PLXNC1: variants seen among roughly 807,000 people sequenced by gnomAD.
PLXNC1 encodes plexin-C1.
Under a neutral mutation model 178.2 loss-of-function variants are expected in PLXNC1, and 75 were observed. The ratio of observed to expected loss-of-function variants is 0.42; its 90% CI spans 0.35 to 0.51. The LOEUF (loss-of-function observed/expected upper bound fraction) is 0.51. Among genes scored for constraint, PLXNC1 ranks in the 20% least tolerant of loss-of-function variants. PLXNC1 has a pLI of 0.02. For missense variants in PLXNC1, 1,503 were observed against 1,984.4 expected (o/e 0.76, Z 4.61); for synonymous variants, 790 against 779.9 (o/e 1.01, Z -0.22).
chr12:94,246,180 G>T (rs1278616806), intron 12 of PLXNC1, among the ~76,000 whole-genome samples: 1 of 152,212 alleles, frequency 6.6e-6, no homozygotes, highest in Non-Finnish European at 1.5e-5. Context: ...GGAACCTCCT[G>T]CAGGGCGGTT....
At chr12:94,242,608 T>C (rs1964420912) in intron 11 of PLXNC1, among the ~76,000 whole-genome samples, 2 of 152,010 alleles carry the variant, frequency 1.3e-5, no homozygotes, top group African/African-American at 4.8e-5. Context: ...TGGGGACACA[T>C]TTTTTGGGGA....
rs1964576474 is a variant in PLXNC1 at position 94,247,918 on chromosome 12, G to A, written c.2404G>A (p.Val802Met). The stretch of plus-strand genomic sequence containing the variant: ...TTTTGTCCAGGTCTCTGAATATTGT[G>A]TGGCGACTTACTGCGGGTTTTTAGC... ...KGNINVSEYC[V>M]ATYCGFLAPS... Residue 802 changes from valine (V) to methionine (M), a missense_variant, in exon 13 of 31, where the codon GTG (valine) becomes ATG (methionine). By Grantham distance (21) the Val-to-Met change is conservative. Coordinates refer to ENST00000258526, the MANE Select transcript of PLXNC1 (RefSeq NM_005761.3). 6.2e-7 allele frequency: 1 copy of A among 1,613,858 alleles called. No individual in the cohort carries two copies. The highest frequency in any genetic ancestry group is 8.5e-7 in the Non-Finnish European group (1 of 1,179,930).
chr12:94,301,163 C>A, intron 28 of PLXNC1, 106 bp downstream of exon 28: 2 of 829,094 alleles, frequency 2.4e-6, no homozygotes, highest in Non-Finnish European at 3.6e-6. Flanking sequence ...ACTACACCAG[C>A]TAAAAAGAGA....
chr12:94,216,035 C>T (rs796863407), intron 5 of PLXNC1, among the ~76,000 whole-genome samples: 3 of 152,098 alleles, frequency 2.0e-5, no homozygotes, highest in Non-Finnish European at 2.9e-5. Flanking sequence ...GGGACTGAGG[C>T]GGGCAGATCA....
rs1555192596 is a variant in PLXNC1, at chr12:94,149,253, G to GC, written c.288dup (p.Ala97ArgfsTer91). 3.2e-6 allele frequency: 5 copies of GC among 1,545,652 alleles called. No homozygotes were observed. The highest frequency in any genetic ancestry group is 2.0e-5 in the Admixed American group (1 of 50,986). On this transcript the variant is annotated frameshift_variant, in exon 1 of 31. Coordinates refer to ENST00000258526, the MANE Select transcript of PLXNC1 (RefSeq NM_005761.3). LOFTEE classifies it high-confidence loss of function. ...ACTGCACAGAGCCGGTCTCGCTGGC[G>GC]CCCCCCGCGCGGCCCCGGCCCGGGA...
rs564140866 is a variant in PLXNC1 at position 94,164,548 on chromosome 12, C to T, written c.1063-4605C>T. Reference sequence around the variant, plus strand: ...ACACCCTGGAATGCATGACTGGCACCCCCTGCAGTTGTGCAGGGCACAATG... The same window carrying T: ...ACACCCTGGAATGCATGACTGGCACTCCCTGCAGTTGTGCAGGGCACAATG... On this transcript the variant is annotated intron_variant, in intron 1 of 30. Coordinates refer to ENST00000258526, the MANE Select transcript of PLXNC1 (RefSeq NM_005761.3). Among the ~76,000 whole-genome samples, 4 of 152,244 alleles carry T rather than the reference C, an allele frequency of 2.6e-5. No individual in the cohort carries two copies. In the East Asian group the frequency reaches 7.7e-4, roughly 29 times the overall value.
Position 94,149,262 on chromosome 12 carries a change from G to A in PLXNC1, c.291G>A (p.Ala97=). 1.3e-6 allele frequency: 2 copies of A among 1,538,604 alleles called. No individual in the cohort carries two copies. Among genetic ancestry groups the A allele is most frequent in the South Asian group, 2.4e-5 (2 of 83,000 alleles). ...CTEPVSLAPP[A]RPRPGSSFSK... is the part of the protein sequence containing the mutation. ...AGCCGGTCTCGCTGGCGCCCCCCGC[G>A]CGGCCCCGGCCCGGGAGCAGCTTCA... The change falls in exon 1 of 31, where the codon GCG becomes GCA. Residue 97 remains alanine (A), a synonymous_variant. Transcript: ENST00000258526.
intron 21 of PLXNC1, chr12:94,272,092 T>A (rs962285216): frequency 1.3e-5 from 2 of 152,162 alleles, no homozygotes; most frequent in African/African-American, 4.8e-5. Flanking sequence ...CTGGCCCTCT[T>A]CCCGGGCCTT....
intron 23 of PLXNC1, among the ~76,000 whole-genome samples, chr12:94,285,870 C>A (rs1386175230): frequency 6.6e-6 from 1 of 152,172 alleles, no homozygotes; most frequent in African/African-American, 2.4e-5. Flanking sequence ...TCTTGTCTTG[C>A]TCAGCTGTGC....
chr12:94,241,329 C>T (rs952828422), intron 11 of PLXNC1, among the ~76,000 whole-genome samples: 4 of 152,110 alleles, frequency 2.6e-5, no homozygotes, highest in African/African-American at 9.7e-5. Context: ...TATCCATCAC[C>T]TCAAGCACTT....
In PLXNC1 at chr12:94,171,042, C is replaced by T. The variant is rs1044439488; in HGVS notation, c.1203+1749C>T. Among the ~76,000 whole-genome samples the T allele has an allele frequency of 4.6e-5, 7 of 152,318 alleles. 1 individual carries two copies. Among genetic ancestry groups the T allele is most frequent in the East Asian group, 1.9e-4 (1 of 5,174 alleles). The stretch of plus-strand genomic sequence containing the variant: ...GAGTGTTTTGACAAGAACACTGTTT[C>T]CCCAAAGCCGAGCCAACCAAACCGC... On this transcript the variant is annotated intron_variant, in intron 2 of 30. Transcript: ENST00000258526.
rs181964407 is a variant in PLXNC1 at position 94,180,202 on chromosome 12, T to C, written c.1204-1244T>C. Among the ~76,000 whole-genome samples, 23 of 152,264 alleles carry C rather than the reference T, an allele frequency of 1.5e-4. No homozygotes were observed. In the East Asian group the frequency reaches 3.5e-3, roughly 23 times the overall value. On this transcript the variant is annotated intron_variant, in intron 2 of 30. Coordinates refer to ENST00000258526, the MANE Select transcript of PLXNC1 (RefSeq NM_005761.3). ...ACCCTTGATTATCATTCCCCTGTTA[T>C]CTTACTATCTTACTGTTCACTCCTC...
Position 94,248,328 on chromosome 12 carries a change from A to T in PLXNC1, c.2694A>T (p.Arg898Ser), listed in dbSNP as rs747976796. 6.2e-7 allele frequency: 1 copy of T among 1,613,880 alleles called. No individual in the cohort carries two copies. The highest frequency in any genetic ancestry group is 8.5e-7 in the Non-Finnish European group (1 of 1,179,788). ...QLNCSFENIT[R>S]NQDLTTILCK... ...ATTGCAGTTTTGAAAATATTACTAGAAATCAAGATCTTACCACCATCCTTT... is the reference window on the plus strand; with the variant it reads ...ATTGCAGTTTTGAAAATATTACTAGTAATCAAGATCTTACCACCATCCTTT... The change falls in exon 14 of 31, where the codon AGA (arginine) becomes AGT (serine). Residue 898 changes from arginine (R) to serine (S), a missense_variant. Physicochemically the swap from Arg to Ser is moderately radical, Grantham distance 110. This residue lies in a region of PLXNC1 where 639 missense variants were observed against 979.7 expected (regional missense o/e 0.65). Coordinates refer to ENST00000258526, the MANE Select transcript of PLXNC1 (RefSeq NM_005761.3).
chr12:94,200,382 T>C (rs1963077825), intron 4 of PLXNC1, among the ~76,000 whole-genome samples: 2 of 152,234 alleles, frequency 1.3e-5, no homozygotes, highest in Admixed American at 6.5e-5. Flanking sequence ...ATCTCCTCCA[T>C]ATCCAAACAC....
chr12:94,156,030 G>A (rs1961155329), intron 1 of PLXNC1, among the ~76,000 whole-genome samples: 1 of 152,204 alleles, frequency 6.6e-6, no homozygotes, highest in South Asian at 2.1e-4. Context: ...TGGGACCAAA[G>A]CTACCAGTTA....
At chr12:94,284,087 G>GGAAA (rs1555208966) in intron 23 of PLXNC1, among the ~76,000 whole-genome samples, 1,196 of 82,694 alleles carry the variant, frequency 0.014, 8 homozygotes, top group Non-Finnish European at 0.024. Context: ...CATGTCAGGG[G>GGAAA]AAAAAAAAAA....
At chr12:94,159,548 C>T (rs1961300256) in intron 1 of PLXNC1, among the ~76,000 whole-genome samples, 1 of 151,848 alleles carries the variant, frequency 6.6e-6, no homozygotes, top group African/African-American at 2.4e-5. Context: ...TTGTGGAGAG[C>T]AAAATGCTAG....
chr12:94,188,773 G>A (rs1025202682), intron 4 of PLXNC1, among the ~76,000 whole-genome samples: 12 of 152,262 alleles, frequency 7.9e-5, no homozygotes, highest in Non-Finnish European at 1.2e-4. Context: ...ATGACTTGGT[G>A]TGCCAGTAGG....
intron 1 of PLXNC1, chr12:94,150,806 T>C (rs150101370): frequency 3.3e-5 from 5 of 152,456 alleles, no homozygotes; most frequent in African/African-American, 1.2e-4. Context: ...AGGCAGTTTC[T>C]GGGCTCCAGA....
Sources: gnomAD v4.1 joint callset for allele counts (sites outside exome capture counted in the v4.1 genomes callset) on GRCh38, gnomAD v4.1.1 for gene constraint, gnomAD v4.1.1 regional missense constraint, MANE v1.5 for transcripts, NCBI Gene and HGNC (gene_info 2026-07-23, HGNC 2026-07-21) for gene names.